The following SFI1 variants were observed in gnomAD, a reference collection of about 807,000 sequenced individuals.
The protein encoded by SFI1 is SFI1 centrin binding protein.
Under a neutral mutation model 207.5 loss-of-function variants are expected in SFI1, and 195 were observed. That is an observed-to-expected ratio of 0.94 (90% CI 0.84 to 1.06). SFI1 has a LOEUF of 1.06. Ranked by LOEUF, SFI1 falls within the 50% of genes least tolerant of loss-of-function variation. SFI1 has a pLI of 0.00. For missense variants in SFI1, 1,634 were observed against 1,588.0 expected, an observed-to-expected ratio of 1.03 and a Z score of -0.49; for synonymous variants, 630 against 598.9, an observed-to-expected ratio of 1.05 and a Z score of -0.76.
At chr22:31,589,801 G>T (rs567841027) in intron 15 of SFI1, among the ~76,000 whole-genome samples, 6,393 of 148,004 alleles carry the variant, frequency 0.043, 113 homozygotes, top group African/African-American at 0.049. Context: ...TTTTTTTTGT[G>T]TGTGTGTATA....
rs750979986 is a variant in SFI1 at position 31,616,813 on chromosome 22, C to A, written c.3369C>A (p.Asp1123Glu). Residue 1123 changes from aspartate (D) to glutamate (E), a missense_variant, in exon 30 of 33, where the codon GAC becomes GAA. Coordinates refer to ENST00000400288, the MANE Select transcript of SFI1 (RefSeq NM_001007467.3). ...CCTCATCCCTGGCCAGTGTCCCTGA[C>A]CCCCATCTACTCCTTCCTGGGGACT... is the stretch of plus-strand genomic sequence containing the variant. ...PVPSSLASVP[D>E]PHLLLPGDFS... 10 of 1,612,364 alleles carry A rather than the reference C, an allele frequency of 6.2e-6. No homozygotes were observed. The African/African-American group carries it at 9.3e-5, about 15-fold the overall frequency.
rs201809045 is a variant in SFI1 at position 31,561,470 on chromosome 22, C to T, written c.765+78C>T. The T allele has an allele frequency of 1.2e-4, 156 of 1,266,664 alleles. No homozygotes were observed. The East Asian group carries it at 3.8e-3, about 31-fold the overall frequency. The allele number at this position is 1,266,664 out of a possible 1,614,324, so 78.5% of individuals were successfully genotyped here. A position where few individuals can be genotyped will look rare whatever the true frequency, so the allele number is the denominator to read the frequency against. On this transcript the variant is annotated intron_variant, in intron 8 of 32. Coordinates refer to ENST00000400288, the MANE Select transcript of SFI1 (RefSeq NM_001007467.3). ...CTCACCCACAGAGGGCAGTGCTGGG[C>T]CTTCCCTGCAGCTCAGGGCCTGAGA... is the stretch of plus-strand genomic sequence containing the variant.
Position 31,578,442 on chromosome 22 carries a change from AC to A in SFI1, c.1146del (p.His382GlnfsTer11), listed in dbSNP as rs1414750229. 6.2e-7 allele frequency: 1 copy of A among 1,613,500 alleles called. No homozygotes were observed. Among genetic ancestry groups the A allele is most frequent in the Non-Finnish European group, 8.5e-7 (1 of 1,179,704 alleles). On this transcript the variant is annotated frameshift_variant, in exon 11 of 33. Coordinates refer to ENST00000400288, the MANE Select transcript of SFI1 (RefSeq NM_001007467.3). LOFTEE classifies it high-confidence loss of function. ...GAGATGGCAGAAGAGCACCACAGGC[AC>A]AGCCAGCTGGTAAGAGCCCTGCATC... ...QFEMAEEHHRHSQLYFCFRAL... is the reference protein window; with the variant it reads ...QFEMAEEHHRXSQLYFCFRAL...
chr22:31,610,301 T>A (rs1005560442), intron 22 of SFI1, among the ~76,000 whole-genome samples: 1 of 152,150 alleles, frequency 6.6e-6, no homozygotes, highest in Admixed American at 6.5e-5. Flanking sequence ...TCTCAATGTC[T>A]TCATCTGTAA....
At chr22:31,553,529 A>ATTTTTTTTTTTT (rs71202096) in intron 6 of SFI1, among the ~76,000 whole-genome samples, 7 of 82,626 alleles carry the variant, frequency 8.5e-5, no homozygotes, top group Non-Finnish European at 1.4e-4. Flanking sequence ...TAATTTTTGT[A>ATTTTTTTTTTTT]TTTTTTTTTT....
intron 1 of SFI1, among the ~76,000 whole-genome samples, chr22:31,501,510 G>A (rs968671138): frequency 7.9e-5 from 12 of 152,038 alleles, no homozygotes; most frequent in African/African-American, 2.9e-4. Context: ...AAAAATTCAT[G>A]TGACTGGCTT....
At chr22:31,611,496 G>C (rs1300009479) in intron 23 of SFI1, among the ~76,000 whole-genome samples, 193 bp downstream of exon 23, 1 of 152,214 alleles carries the variant, frequency 6.6e-6, no homozygotes, top group Non-Finnish European at 1.5e-5. Context: ...CTAGCGAGTA[G>C]CCAGCCCCAG....
chr22:31,530,002 C>T (rs960614080), intron 3 of SFI1, among the ~76,000 whole-genome samples: 2 of 148,836 alleles, frequency 1.3e-5, no homozygotes, highest in Admixed American at 1.4e-4. Context: ...AACCCCGTCT[C>T]TACTAAAAAT....
At chr22:31,580,209 T>G in intron 11 of SFI1, 63 bp from the exon 12 acceptor site, 1 of 1,348,188 alleles carries the variant, frequency 7.4e-7, no homozygotes, top group Non-Finnish European at 1.1e-6. Flanking sequence ...CTTCCTCTAC[T>G]CTTAGTTTAC....
At chr22:31,549,984 CA>C (rs1007441549) in intron 5 of SFI1, among the ~76,000 whole-genome samples, 29 of 152,060 alleles carry the variant, frequency 1.9e-4, no homozygotes, top group Middle Eastern at 6.8e-3. Flanking sequence ...GGCTGGAGTG[CA>C]GTGGCATGCG....
intron 2 of SFI1, 86 bp from the exon 3 acceptor site, chr22:31,528,604 T>TA: frequency 8.2e-7 from 1 of 1,221,378 alleles, no homozygotes; most frequent in Non-Finnish European, 1.2e-6. Flanking sequence ...CTTATCTGTT[T>TA]AATTTTGCTT....
At chr22:31,499,239 G>T (rs1182726635) in intron 1 of SFI1, among the ~76,000 whole-genome samples, 1 of 151,890 alleles carries the variant, frequency 6.6e-6, no homozygotes, top group African/African-American at 2.4e-5. Context: ...GTCTCAAGCA[G>T]TCCTCCTGCC....
chr22:31,511,415 G>A (rs1200262521), intron 2 of SFI1, among the ~76,000 whole-genome samples: 1 of 150,686 alleles, frequency 6.6e-6, no homozygotes, highest in African/African-American at 2.4e-5. Context: ...GCAAATTAAC[G>A]ATGGCCTTAA....
intron 4 of SFI1, among the ~76,000 whole-genome samples, chr22:31,544,185 T>A (rs1361382414): frequency 6.6e-6 from 1 of 152,086 alleles, no homozygotes; most frequent in African/African-American, 2.4e-5. Flanking sequence ...CAAGACTGTC[T>A]CAAAAAAATT....
chr22:31,592,880 G>A (rs1389180204), intron 15 of SFI1, among the ~76,000 whole-genome samples: 1 of 127,428 alleles, frequency 7.8e-6, no homozygotes, highest in Admixed American at 7.2e-5. Flanking sequence ...TCTCCCTCCC[G>A]GACGGGCTGG....
rs190393745 is a variant in SFI1, at chr22:31,607,039, G to A, written c.2157+609G>A. On this transcript the variant is annotated intron_variant, in intron 21 of 32. Coordinates refer to ENST00000400288, the MANE Select transcript of SFI1 (RefSeq NM_001007467.3). Reference sequence around the variant, plus strand: ...AATTGCACCACTGCACTCCAGCCTGGACAACAGAGCAAGGTTGTCTCAAAA... The same window carrying A: ...AATTGCACCACTGCACTCCAGCCTGAACAACAGAGCAAGGTTGTCTCAAAA... Among the ~76,000 whole-genome samples the A allele has an allele frequency of 4.5e-4, 68 of 151,932 alleles. 1 individual carries two copies. Among genetic ancestry groups the A allele is most frequent in the African/African-American group, 1.6e-3 (68 of 41,452 alleles).
intron 12 of SFI1, among the ~76,000 whole-genome samples, chr22:31,582,236 ATTTTTTT>A (rs1161846940): frequency 0.079 from 778 of 9,880 alleles, 1 homozygote; most frequent in Non-Finnish European, 0.094. Context: ...ATATATATAT[ATTTTTTT>A]TTTTTTTTTT....
intron 1 of SFI1, among the ~76,000 whole-genome samples, chr22:31,501,414 C>T (rs771747961): frequency 6.6e-6 from 1 of 152,090 alleles, no homozygotes; most frequent in African/African-American, 2.4e-5. Flanking sequence ...CTCATGACCG[C>T]CCATCTCGGC....
chr22:31,609,637 T>C (rs1204143262), intron 22 of SFI1, among the ~76,000 whole-genome samples: 1 of 152,226 alleles, frequency 6.6e-6, no homozygotes, highest in Non-Finnish European at 1.5e-5. Context: ...AATGAGCATG[T>C]TTCAACACAC....
Sources: allele counts gnomAD v4.1 joint callset (sites outside exome capture counted in the v4.1 genomes callset), GRCh38; gene constraint gnomAD v4.1.1; transcripts MANE v1.5; gene names NCBI Gene and HGNC (gene_info 2026-07-23, HGNC 2026-07-21).